Variants in TENM3 observed in about 807,000 individuals in gnomAD.
The protein encoded by TENM3 is teneurin transmembrane protein 3.
Under a neutral mutation model 255.1 loss-of-function variants are expected in TENM3, and 63 were observed. The ratio of observed to expected loss-of-function variants is 0.25; its 90% CI spans 0.20 to 0.30. TENM3 has a LOEUF of 0.30. Among genes scored for constraint, TENM3 ranks in the 10% least tolerant of loss-of-function variants. The pLI is 1.00. For synonymous variants in TENM3, 1,306 were observed against 1,322.3 expected (o/e 0.99, Z 0.27); for missense variants, 2,929 against 3,461.1 (o/e 0.85, Z 3.86).
the TENM3 span, among the ~76,000 whole-genome samples, chr4:182,126,378 A>T: frequency 6.6e-6 from 1 of 152,228 alleles, no homozygotes; most frequent in Non-Finnish European, 1.5e-5. Flanking sequence ...TGCAGAGCAC[A>T]GTCATCAGAG....
At chr4:181,539,687 A>G in the TENM3 span, among the ~76,000 whole-genome samples, 6 of 152,238 alleles carry the variant, frequency 3.9e-5, no homozygotes, top group Admixed American at 3.9e-4. Context: ...GGATTAATGC[A>G]GATGGACATT....
intron 3 of TENM3, among the ~76,000 whole-genome samples, chr4:182,517,539 A>G (rs1738115823): frequency 6.8e-6 from 1 of 146,240 alleles, no homozygotes. Context: ...GCCCGCTACC[A>G]CGCCCGGCTA....
At chr4:182,631,394 C>A (rs577818072) in intron 5 of TENM3, 1 of 152,150 alleles carries the variant, frequency 6.6e-6, no homozygotes, top group Non-Finnish European at 1.5e-5. Flanking sequence ...TTTCATTGGT[C>A]TTCCTATATT....
intron 3 of TENM3, among the ~76,000 whole-genome samples, chr4:182,470,929 T>G (rs1248741877): frequency 1.3e-5 from 2 of 152,196 alleles, no homozygotes; most frequent in Non-Finnish European, 2.9e-5. Context: ...TTGCAATATT[T>G]TAAGTGATTT....
At chr4:181,529,980 G>T in the TENM3 span, among the ~76,000 whole-genome samples, 2 of 152,088 alleles carry the variant, frequency 1.3e-5, no homozygotes, top group Admixed American at 6.6e-5. Context: ...AGTAAGAATA[G>T]GACACATACA....
chr4:182,702,677 G>A (rs559173983), intron 12 of TENM3, among the ~76,000 whole-genome samples: 6 of 151,706 alleles, frequency 4.0e-5, no homozygotes, highest in South Asian at 2.1e-4. Flanking sequence ...TTCTGTGGAC[G>A]CACAGCTAGT....
At chr4:182,231,034 G>A (rs1488471695) in intron 1 of TENM3, among the ~76,000 whole-genome samples, 1 of 151,456 alleles carries the variant, frequency 6.6e-6, no homozygotes. Flanking sequence ...CAAGCTTGTT[G>A]TATGCTGGAA....
chr4:182,174,150 C>G (rs1752291918), intron 1 of TENM3, among the ~76,000 whole-genome samples: 1 of 151,838 alleles, frequency 6.6e-6, no homozygotes, highest in South Asian at 2.1e-4. Context: ...TCTTGATGAC[C>G]AAATTATGTC....
intron 11 of TENM3, among the ~76,000 whole-genome samples, chr4:182,687,254 AAAAC>A (rs1269649608): frequency 6.6e-6 from 1 of 152,210 alleles, no homozygotes; most frequent in Non-Finnish European, 1.5e-5. Context: ...TTTAGGGGAA[AAAAC>A]TATAGCTAAC....
the TENM3 span, among the ~76,000 whole-genome samples, chr4:182,080,863 C>T: frequency 7.9e-5 from 12 of 152,076 alleles, no homozygotes; most frequent in Admixed American, 2.0e-4. Context: ...TAGCGACATG[C>T]GCTTGTTGTC....
rs756135191 is a variant in TENM3, at chr4:182,323,991, G to A, written c.-30G>A. 2.5e-6 allele frequency: 4 copies of A among 1,592,646 alleles called. No individual in the cohort carries two copies. On this transcript the variant is annotated 5_prime_UTR_variant, in exon 2 of 28. Coordinates refer to ENST00000511685, the MANE Select transcript of TENM3 (RefSeq NM_001080477.4). ...CCCTGAGCCTAAGTTGTCACCAGCA[G>A]GACTGATGTGCACACAGAAGGAATG...
At chr4:182,101,609 CA>C in the TENM3 span, among the ~76,000 whole-genome samples, 6 of 152,034 alleles carry the variant, frequency 3.9e-5, no homozygotes, top group Admixed American at 1.3e-4. Flanking sequence ...TTACCAGAGG[CA>C]GGGGGGATGA....
At chr4:182,077,952 T>C in the TENM3 span, among the ~76,000 whole-genome samples, 64 of 152,180 alleles carry the variant, frequency 4.2e-4, no homozygotes, top group Non-Finnish European at 8.8e-4. Context: ...AGAACACTCT[T>C]GACAGTAAAT....
intron 1 of TENM3, among the ~76,000 whole-genome samples, chr4:182,272,477 C>T (rs925327936): frequency 7.9e-5 from 12 of 152,110 alleles, no homozygotes; most frequent in Admixed American, 5.9e-4. Context: ...CCTGCAGAAA[C>T]GCCAAGCTGA....
intron 5 of TENM3, among the ~76,000 whole-genome samples, chr4:182,640,983 C>T (rs1178388706): frequency 6.6e-6 from 1 of 152,150 alleles, no homozygotes; most frequent in African/African-American, 2.4e-5. Flanking sequence ...CTGCAGGCAC[C>T]CAGAGGCCGT....
intron 3 of TENM3, among the ~76,000 whole-genome samples, chr4:182,353,128 A>G (rs1765291731): frequency 6.6e-6 from 1 of 152,262 alleles, no homozygotes; most frequent in African/African-American, 2.4e-5. Flanking sequence ...AATTCTGAAG[A>G]TGATTTGAAG....
chr4:182,657,102 A>G (rs1257141067), intron 6 of TENM3, among the ~76,000 whole-genome samples: 1 of 152,212 alleles, frequency 6.6e-6, no homozygotes, highest in African/African-American at 2.4e-5. Context: ...AAAGAATCAC[A>G]CAGTTCTATA....
intron 1 of TENM3, among the ~76,000 whole-genome samples, chr4:182,316,990 C>A (rs1453980337): frequency 1.3e-5 from 2 of 152,188 alleles, no homozygotes; most frequent in Non-Finnish European, 2.9e-5. Flanking sequence ...CCTTCACTGA[C>A]TGATGTCAAT....
the TENM3 span, among the ~76,000 whole-genome samples, chr4:182,103,571 T>C: frequency 4.6e-5 from 7 of 152,168 alleles, no homozygotes; most frequent in African/African-American, 1.7e-4. Flanking sequence ...GGTAAAGCCC[T>C]ACACACAAAG....
Sources: allele counts gnomAD v4.1 joint callset (sites outside exome capture counted in the v4.1 genomes callset), GRCh38; gene constraint gnomAD v4.1.1; transcripts MANE v1.5; gene names NCBI Gene and HGNC (gene_info 2026-07-23, HGNC 2026-07-21).